BBS9: variants seen among roughly 807,000 people sequenced by gnomAD.
BBS9 encodes the protein Bardet-Biedl syndrome 9.
BBS9 carries 89 observed loss-of-function variants against 117.7 expected under a neutral mutation model. The ratio of observed to expected loss-of-function variants is 0.76; its 90% CI spans 0.64 to 0.90. BBS9 has a LOEUF of 0.90. BBS9 is among the 40% of genes least tolerant of loss of function. BBS9 has a pLI of 0.00. For missense variants in BBS9, 982 were observed against 1,042.2 expected, an observed-to-expected ratio of 0.94 and a Z score of 0.80; for synonymous variants, 379 against 370.9, an observed-to-expected ratio of 1.02 and a Z score of -0.25.
chr7:33,487,890 G>GA (rs1400583522), intron 19 of BBS9, among the ~76,000 whole-genome samples: 2 of 152,180 alleles, frequency 1.3e-5, no homozygotes, highest in East Asian at 3.8e-4. Flanking sequence ...GTCTCAACTT[G>GA]ATAGCCCACT....
chr7:33,377,846 T>G (rs1400453347), intron 17 of BBS9, among the ~76,000 whole-genome samples: 2 of 152,180 alleles, frequency 1.3e-5, no homozygotes, highest in Non-Finnish European at 2.9e-5. Flanking sequence ...TCATTAGGAA[T>G]GTGAGGTGTA....
At chr7:33,256,423 T>C (rs1797087491) in intron 5 of BBS9, among the ~76,000 whole-genome samples, 1 of 152,208 alleles carries the variant, frequency 6.6e-6, no homozygotes, top group Non-Finnish European at 1.5e-5. Context: ...TTGTATCAGT[T>C]GAGGTGGGTT....
chr7:33,312,992 CTGGCCTTAGT>C (rs918627683), intron 9 of BBS9, among the ~76,000 whole-genome samples: 4 of 151,608 alleles, frequency 2.6e-5, no homozygotes, highest in African/African-American at 9.7e-5. Context: ...ATGAGTGGTT[CTGGCCTTAGT>C]AAAATACTTT....
intron 19 of BBS9, among the ~76,000 whole-genome samples, chr7:33,456,547 A>G (rs1838677338): frequency 6.6e-6 from 1 of 152,074 alleles, no homozygotes; most frequent in African/African-American, 2.4e-5. Flanking sequence ...GGTGGGTTTT[A>G]TGGTTGTTTT....
intron 21 of BBS9, among the ~76,000 whole-genome samples, chr7:33,551,302 TG>T (rs1362747826): frequency 6.6e-6 from 1 of 152,164 alleles, no homozygotes; most frequent in African/African-American, 2.4e-5. Context: ...GGAGTCTGGC[TG>T]GGTTTCAAAG....
intron 21 of BBS9, among the ~76,000 whole-genome samples, chr7:33,570,937 T>C (rs1262466083): frequency 6.6e-6 from 1 of 152,136 alleles, no homozygotes; most frequent in African/African-American, 2.4e-5. Context: ...TAAGGAGATA[T>C]AACAACAGAT....
chr7:33,296,972 C>G (rs1352705020), intron 9 of BBS9, among the ~76,000 whole-genome samples: 4 of 152,080 alleles, frequency 2.6e-5, no homozygotes, highest in African/African-American at 9.7e-5. Flanking sequence ...GCCTGGTTAT[C>G]TTCAAAAGTT....
chr7:33,447,773 T>G (rs1837209660), intron 19 of BBS9, among the ~76,000 whole-genome samples: 1 of 152,220 alleles, frequency 6.6e-6, no homozygotes, highest in Admixed American at 6.5e-5. Flanking sequence ...CTTTTGCCCT[T>G]GGTATATAGC....
chr7:33,562,807 C>T (rs1055952482), intron 21 of BBS9, among the ~76,000 whole-genome samples: 3 of 152,072 alleles, frequency 2.0e-5, no homozygotes, highest in Non-Finnish European at 2.9e-5. Context: ...GCCTGTAGTC[C>T]CAGCTACTCG....
chr7:33,284,622 A>G (rs1226412832), intron 9 of BBS9, among the ~76,000 whole-genome samples: 2 of 152,094 alleles, frequency 1.3e-5, no homozygotes, highest in Non-Finnish European at 2.9e-5. Context: ...TTATTTCTTC[A>G]GTTTTGTTTG....
At chr7:33,351,389 A>C in intron 14 of BBS9, 66 bp downstream of exon 14, 1 of 1,010,714 alleles carries the variant, frequency 9.9e-7, no homozygotes, top group Non-Finnish European at 1.6e-6. Context: ...TTATGCATTT[A>C]AGATGAGAAA....
chr7:33,329,133 G>C lies in BBS9; in HGVS notation c.1017-7308G>C, dbSNP rs1022696475. On this transcript the variant is annotated intron_variant, in intron 9 of 22. Coordinates refer to ENST00000242067, the MANE Select transcript of BBS9 (RefSeq NM_198428.3). ...CCTCCCGGATTCAAGTGATTGTCCT[G>C]CCTCAGCCTCCTGCCTATCTGGGAT... Among the ~76,000 whole-genome samples, 93 of 152,130 alleles carry C rather than the reference G, an allele frequency of 6.1e-4. 1 individual carries two copies. The highest frequency in any genetic ancestry group is 2.0e-3 in the African/African-American group (85 of 41,522).
intron 19 of BBS9, among the ~76,000 whole-genome samples, chr7:33,501,377 G>A (rs1308186808): frequency 6.6e-6 from 1 of 152,174 alleles, no homozygotes. Context: ...GATTTTCCTT[G>A]GGGGTAATTT....
chr7:33,410,017 G>A (rs1830825327), intron 19 of BBS9, among the ~76,000 whole-genome samples: 1 of 152,008 alleles, frequency 6.6e-6, no homozygotes, highest in Non-Finnish European at 1.5e-5. Flanking sequence ...AACCTCTGTT[G>A]TGAAATTTAC....
intron 10 of BBS9, among the ~76,000 whole-genome samples, chr7:33,340,378 C>T (rs1232224041): frequency 6.6e-6 from 1 of 152,064 alleles, no homozygotes; most frequent in Non-Finnish European, 1.5e-5. Context: ...GACTTTGGGA[C>T]ATTGCATAGT....
chr7:33,136,756 C>T (rs185669989), intron 1 of BBS9, among the ~76,000 whole-genome samples: 34 of 152,164 alleles, frequency 2.2e-4, no homozygotes, highest in African/African-American at 8.2e-4. Flanking sequence ...ATTTTTGCAT[C>T]CATATGCATA....
At chr7:33,139,313 T>C (rs544731756) in intron 1 of BBS9, among the ~76,000 whole-genome samples, 3 of 151,370 alleles carry the variant, frequency 2.0e-5, no homozygotes, top group African/African-American at 7.2e-5. Context: ...ATGAATGTCT[T>C]CTATAGGCAT....
chr7:33,555,656 A>G (rs1441441016), intron 21 of BBS9, among the ~76,000 whole-genome samples: 1 of 152,146 alleles, frequency 6.6e-6, no homozygotes, highest in Non-Finnish European at 1.5e-5. Context: ...AAGGAGAGGT[A>G]TCAGAAGGAA....
At chr7:33,288,457 G>C (rs758850176) in intron 9 of BBS9, among the ~76,000 whole-genome samples, 4 of 152,026 alleles carry the variant, frequency 2.6e-5, no homozygotes, top group African/African-American at 9.7e-5. Context: ...CTGGGAATTC[G>C]TTAACGTTGA....
Sources: allele counts gnomAD v4.1 joint callset (sites outside exome capture counted in the v4.1 genomes callset), GRCh38; gene constraint gnomAD v4.1.1; transcripts MANE v1.5; gene names NCBI Gene and HGNC (gene_info 2026-07-23, HGNC 2026-07-21).